The following PXYLP1 variants were observed in gnomAD, a reference collection of about 807,000 sequenced individuals.
PXYLP1 encodes acid phosphatase-like 2.
Under a neutral mutation model 37.9 loss-of-function variants are expected in PXYLP1, and 17 were observed. That is an observed-to-expected ratio of 0.45 (90% confidence interval 0.31 to 0.67). PXYLP1 has a LOEUF of 0.67. Among genes scored for constraint, PXYLP1 ranks in the 30% least tolerant of loss-of-function variants. The pLI is 0.07. For synonymous variants in PXYLP1, 221 were observed against 232.2 expected, an observed-to-expected ratio of 0.95 and a Z score of 0.44; for missense variants, 511 against 612.0, an observed-to-expected ratio of 0.84 and a Z score of 1.74.
At chr3:141,266,893 G>A (rs1941529841) in intron 2 of PXYLP1, among the ~76,000 whole-genome samples, 1 of 152,108 alleles carries the variant, frequency 6.6e-6, no homozygotes, top group Admixed American at 6.5e-5. Context: ...AGAACAGTGT[G>A]TACATTAACA....
At chr3:141,270,194 A>G (rs894777096) in intron 2 of PXYLP1, among the ~76,000 whole-genome samples, 3 of 152,274 alleles carry the variant, frequency 2.0e-5, no homozygotes, top group East Asian at 1.9e-4. Context: ...AACATTAAGA[A>G]TGAGGAAAAC....
Position 141,292,684 on chromosome 3 carries a change from T to C in PXYLP1, c.922T>C (p.Phe308Leu). 2 of 1,613,964 alleles carry C rather than the reference T, an allele frequency of 1.2e-6. No homozygotes were observed. The highest frequency in any genetic ancestry group is 1.7e-6 in the Non-Finnish European group (2 of 1,179,934). ...CTGCCACTTCTGCCACAATGTCAGC[T>C]TTCCCTGTACCAGAAATGGCTGTGT... ...MLCHFCHNVS[F>L]PCTRNGCVDM... Residue 308 changes from phenylalanine (F) to leucine (L), a missense_variant, in exon 6 of 6, where the codon TTT (phenylalanine) becomes CTT (leucine). Physicochemically the swap from Phe to Leu is conservative, Grantham distance 22 (BLOSUM62 0). Transcript: ENST00000286353. The surrounding 1 kb of genome is among the most constrained non-coding windows in gnomAD (Gnocchi z 4.3).
rs751433640 is a variant in PXYLP1, at chr3:141,293,040, C to T, written c.1278C>T (p.Val426=). 20 of 1,614,074 alleles carry T rather than the reference C, an allele frequency of 1.2e-5. No individual in the cohort carries two copies. In the East Asian group the frequency reaches 1.8e-4, roughly 14 times the overall value. The stretch of plus-strand genomic sequence containing the variant: ...CCGTCCGGATTCTTTACAATGGCGT[C>T]GATGTCACATTCCACACCTCTTTCT... The part of the protein sequence containing the change: ...EHSVRILYNG[V]DVTFHTSFCQ... The change falls in exon 6 of 6, where the codon GTC becomes GTT. Residue 426 remains valine (V), a synonymous_variant. Transcript: ENST00000286353.
chr3:141,261,129 C>T (rs1941385664), intron 2 of PXYLP1, among the ~76,000 whole-genome samples: 1 of 152,166 alleles, frequency 6.6e-6, no homozygotes, highest in South Asian at 2.1e-4. Flanking sequence ...TGTCTCCCTC[C>T]CTCCTTCCCT....
intron 1 of PXYLP1, among the ~76,000 whole-genome samples, chr3:141,247,435 T>C (rs1470128224): frequency 6.6e-6 from 1 of 152,228 alleles, no homozygotes; most frequent in East Asian, 1.9e-4. Flanking sequence ...GGCTTTCAGG[T>C]ATGTCCCTGA....
intron 4 of PXYLP1, among the ~76,000 whole-genome samples, chr3:141,284,512 C>G (rs1993904): frequency 0.84 from 127,568 of 152,198 alleles, 53,761 homozygotes; most frequent in African/African-American, 0.93. Flanking sequence ...CTCATCCACA[C>G]TAGCCTTTAG....
intron 2 of PXYLP1, chr3:141,274,691 G>T (rs1941749544): frequency 2.8e-6 from 2 of 706,810 alleles, no homozygotes; most frequent in Admixed American, 4.0e-5. Context: ...CACACTCCCA[G>T]CCCTCTGGAT....
At chr3:141,248,817 G>GTA (rs1256242968) in intron 1 of PXYLP1, among the ~76,000 whole-genome samples, 1 of 104,138 alleles carries the variant, frequency 9.6e-6, no homozygotes, top group East Asian at 2.9e-4. Flanking sequence ...ATATACACAC[G>GTA]TATATATATA....
At chr3:141,287,549 C>T in intron 5 of PXYLP1, 96 bp downstream of exon 5, 3 of 1,457,086 alleles carry the variant, frequency 2.1e-6, no homozygotes, top group Non-Finnish European at 9.1e-7. Flanking sequence ...CTGTGCAGCT[C>T]AGAGGGGGTA....
intron 1 of PXYLP1, among the ~76,000 whole-genome samples, chr3:141,249,470 C>CT (rs564313232): frequency 0.3 from 27,984 of 92,946 alleles, 4,883 homozygotes; most frequent in African/African-American, 0.5. Flanking sequence ...ACTTTGGAAG[C>CT]TTTTTTTTTT....
chr3:141,284,396 G>A (rs1312284887), intron 4 of PXYLP1, among the ~76,000 whole-genome samples: 3 of 152,186 alleles, frequency 2.0e-5, no homozygotes, highest in Non-Finnish European at 2.9e-5. Flanking sequence ...ACATCTTTCC[G>A]TTCTGTTGGC....
chr3:141,288,643 C>T lies in PXYLP1; in HGVS notation c.505+1190C>T, dbSNP rs532731764. On this transcript the variant is annotated intron_variant, in intron 5 of 5. Coordinates refer to ENST00000286353, the MANE Select transcript of PXYLP1 (RefSeq NM_001037172.3). ...GCATGGTGCCTCATGCCTGTAATCCCAGCACTTTGGGAGGCTGAGGCAGGA... is the reference window on the plus strand; with the variant it reads ...GCATGGTGCCTCATGCCTGTAATCCTAGCACTTTGGGAGGCTGAGGCAGGA... Among the ~76,000 whole-genome samples, 31 of 152,308 alleles carry T rather than the reference C, an allele frequency of 2.0e-4. No individual in the cohort carries two copies. In the South Asian group the frequency reaches 6.4e-3, roughly 32 times the overall value.
intron 1 of PXYLP1, among the ~76,000 whole-genome samples, chr3:141,234,019 C>T (rs544687246): frequency 6.6e-6 from 1 of 152,112 alleles, no homozygotes; most frequent in Non-Finnish European, 1.5e-5. Flanking sequence ...CCTGGTCCCC[C>T]CTGTCTACCA....
intron 2 of PXYLP1, among the ~76,000 whole-genome samples, chr3:141,266,833 T>C (rs919628462): frequency 5.9e-5 from 9 of 152,186 alleles, no homozygotes; most frequent in Non-Finnish European, 1.0e-4. Context: ...CCTTTTTCTG[T>C]GCTGCTTTCA....
intron 1 of PXYLP1, among the ~76,000 whole-genome samples, chr3:141,251,297 C>T (rs1941134175): frequency 6.6e-6 from 1 of 152,184 alleles, no homozygotes; most frequent in Non-Finnish European, 1.5e-5. Flanking sequence ...ATGTTGCTTC[C>T]ATCTGCATGG....
At chr3:141,283,223 C>A (rs1559895418) in intron 4 of PXYLP1, among the ~76,000 whole-genome samples, 1 of 151,558 alleles carries the variant, frequency 6.6e-6, no homozygotes, top group African/African-American at 2.4e-5. Flanking sequence ...ACCTCATGAT[C>A]AGCCCACCTC....
At chr3:141,239,880 A>G (rs1940753810) in intron 1 of PXYLP1, among the ~76,000 whole-genome samples, 1 of 152,202 alleles carries the variant, frequency 6.6e-6, no homozygotes, top group African/African-American at 2.4e-5. Context: ...GACCATACCC[A>G]GCTCATCTGT....
At chr3:141,283,278 G>T (rs1356786858) in intron 4 of PXYLP1, among the ~76,000 whole-genome samples, 1 of 152,018 alleles carries the variant, frequency 6.6e-6, no homozygotes, top group South Asian at 2.1e-4. Context: ...CACCCTGCCT[G>T]GCCTAGTCTG....
chr3:141,232,090 C>T (rs1306791675), intron 1 of PXYLP1, 179 bp downstream of exon 1: 1 of 152,190 alleles, frequency 6.6e-6, no homozygotes, highest in Non-Finnish European at 1.5e-5. Flanking sequence ...CCGAATCCCG[C>T]GACTAAGCCT....
Sources: gnomAD v4.1 joint callset for allele counts (sites outside exome capture counted in the v4.1 genomes callset) on GRCh38, gnomAD v4.1.1 for gene constraint, Gnocchi (gnomAD v3.1) non-coding constraint, MANE v1.5 for transcripts, NCBI Gene and HGNC (gene_info 2026-07-23, HGNC 2026-07-21) for gene names.